ANKDD1A: variants seen among roughly 807,000 people sequenced by gnomAD.
ANKDD1A encodes ankyrin repeat and death domain-containing protein 1A.
ANKDD1A carries 59 observed loss-of-function variants against 63.5 expected under a neutral mutation model. That is an observed-to-expected ratio of 0.93 (90% CI 0.75 to 1.15). The LOEUF (loss-of-function observed/expected upper bound fraction) is 1.15, where lower values mean the gene tolerates loss of function less well. ANKDD1A is among the 50% of genes most tolerant of loss of function. The pLI, the probability that ANKDD1A is intolerant of heterozygous loss-of-function variation, is 0.00. For missense variants in ANKDD1A, 632 were observed against 656.4 expected (o/e 0.96, Z 0.41); for synonymous variants, 266 against 263.9 (o/e 1.01, Z -0.08).
At chr15:64,934,094 A>T (rs2140373621) in intron 8 of ANKDD1A, 42 bp from the exon 9 acceptor site, 1 of 1,533,250 alleles carries the variant, frequency 6.5e-7, no homozygotes, top group East Asian at 2.3e-5. Context: ...CCTCAGTAGG[A>T]GGGGTCCTTG....
Position 64,943,495 on chromosome 15 carries a change from G to A in ANKDD1A, c.978G>A (p.Thr326=), listed in dbSNP as rs762452141. 37 of 1,613,974 alleles carry A rather than the reference G, an allele frequency of 2.3e-5. No homozygotes were observed. Among genetic ancestry groups the A allele is most frequent in the Admixed American group, 1.3e-4 (8 of 59,998 alleles). ...GGCTTCTCCCCTAGAGGCAGCAGAC[G>A]CCCCTTCACCTGGCTGCAGAGCACG... The part of the protein sequence containing the change: ...DVNAVDNRQQ[T]PLHLAAEHAW... Residue 326 remains threonine (T), a synonymous_variant, in exon 11 of 15, where the codon ACG becomes ACA. Transcript: ENST00000319580.
chr15:64,947,995 A>G (rs1293765527), intron 13 of ANKDD1A, among the ~76,000 whole-genome samples: 5 of 152,224 alleles, frequency 3.3e-5, no homozygotes, highest in African/African-American at 1.2e-4. Context: ...AGAGAGACTT[A>G]TTGATTTCAG....
chr15:64,923,714 G>A (rs571519969), intron 4 of ANKDD1A, among the ~76,000 whole-genome samples: 8 of 152,208 alleles, frequency 5.3e-5, no homozygotes, highest in Non-Finnish European at 7.3e-5. Context: ...GCCAGCAGGA[G>A]GGCACCCTGT....
At position 64,943,733 on chromosome 15, in the gene ANKDD1A, A is replaced by C; in HGVS notation, c.1065+151A>C. On this transcript the variant is annotated intron_variant, in intron 11 of 14. Coordinates refer to ENST00000319580, the MANE Select transcript of ANKDD1A (RefSeq NM_182703.6). ...CAGCTCAAATGCAGCCTCCTCCAGG[A>C]AGCCTTCCTGACCTTCCACCACCTT... The C allele has an allele frequency of 2.7e-6, 2 of 728,582 alleles. 1 individual carries two copies. Among genetic ancestry groups the C allele is most frequent in the South Asian group, 3.3e-5 (2 of 59,766 alleles). The allele number at this position is 728,582 out of a possible 1,614,324, so 45.1% of individuals were successfully genotyped here. A position where few individuals can be genotyped will look rare whatever the true frequency, so the allele number is the denominator to read the frequency against.
At chr15:64,922,135 T>C in intron 4 of ANKDD1A, 116 bp downstream of exon 4, 2 of 801,850 alleles carry the variant, frequency 2.5e-6, no homozygotes, top group Non-Finnish European at 3.9e-6. Context: ...AACCTGCCTC[T>C]GCCTGTCCCT....
At chr15:64,952,418 C>A (rs2085308096) in intron 14 of ANKDD1A, among the ~76,000 whole-genome samples, 3 of 6,504 alleles carry the variant, frequency 4.6e-4, no homozygotes, top group Admixed American at 1.2e-3. Flanking sequence ...TCTTCTCCTT[C>A]TTAGTTTTCT....
At chr15:64,952,018 ATCT>A (rs1394440097) in intron 14 of ANKDD1A, among the ~76,000 whole-genome samples, 15 of 101,490 alleles carry the variant, frequency 1.5e-4, no homozygotes, top group Middle Eastern at 8.1e-3. Context: ...TCCATCTTCT[ATCT>A]TCTTTTTCTT....
chr15:64,943,640 G>T (rs2085202496), intron 11 of ANKDD1A, 58 bp downstream of exon 11: 1 of 1,514,064 alleles, frequency 6.6e-7, no homozygotes, highest in African/African-American at 1.4e-5. Context: ...CCTTGCCAGA[G>T]ACCCTGCTAC....
At chr15:64,929,157 A>T (rs1338486386) in intron 6 of ANKDD1A, among the ~76,000 whole-genome samples, 3 of 152,208 alleles carry the variant, frequency 2.0e-5, no homozygotes, top group African/African-American at 4.8e-5. Context: ...TTATTTTAAA[A>T]TTTTATTATT....
chr15:64,948,718 C>G (rs1231779284), intron 13 of ANKDD1A, among the ~76,000 whole-genome samples: 1 of 151,730 alleles, frequency 6.6e-6, no homozygotes, highest in African/African-American at 2.4e-5. Context: ...CCCAGCTGCT[C>G]GACAGGCTGA....
intron 3 of ANKDD1A, among the ~76,000 whole-genome samples, chr15:64,921,337 C>A (rs777745231): frequency 6.6e-6 from 1 of 152,056 alleles, no homozygotes; most frequent in African/African-American, 2.4e-5. Flanking sequence ...AATGGTCTTT[C>A]TTTATGAAAT....
intron 14 of ANKDD1A, among the ~76,000 whole-genome samples, chr15:64,955,031 TTCTTC>T (rs1432268421): frequency 7.6e-5 from 2 of 26,144 alleles, no homozygotes; most frequent in East Asian, 8.9e-4. Context: ...CTTCTTCCTC[TTCTTC>T]TTCTTTCTTT....
At chr15:64,926,429 C>T (rs1318046281) in intron 5 of ANKDD1A, among the ~76,000 whole-genome samples, 1 of 152,056 alleles carries the variant, frequency 6.6e-6, no homozygotes, top group African/African-American at 2.4e-5. Context: ...GCTTCTGCTT[C>T]CTGGAGGAGG....
intron 14 of ANKDD1A, among the ~76,000 whole-genome samples, chr15:64,954,402 T>G (rs2085384474): frequency 6.7e-6 from 1 of 149,600 alleles, no homozygotes; most frequent in Non-Finnish European, 1.5e-5. Flanking sequence ...TTCTTCTTCC[T>G]TCCTCTTCTT....
intron 13 of ANKDD1A, among the ~76,000 whole-genome samples, chr15:64,948,346 C>T (rs2085240113): frequency 6.6e-6 from 1 of 152,052 alleles, no homozygotes; most frequent in South Asian, 2.1e-4. Flanking sequence ...AGTTTTTCTC[C>T]AATTAGATTA....
chr15:64,940,435 T>TAG (rs1595853972), intron 9 of ANKDD1A, among the ~76,000 whole-genome samples: 22,257 of 121,822 alleles, frequency 0.18, 1,861 homozygotes, highest in East Asian at 0.25. Context: ...TAGATAGATA[T>TAG]ATAGATATTT....
At chr15:64,952,908 C>CCTTCCTT (rs2085324902) in intron 14 of ANKDD1A, among the ~76,000 whole-genome samples, 2 of 70,378 alleles carry the variant, frequency 2.8e-5, no homozygotes, top group East Asian at 2.7e-4. Flanking sequence ...CCTTCCTTCT[C>CCTTCCTT]TTCTTCTCCT....
intron 6 of ANKDD1A, among the ~76,000 whole-genome samples, chr15:64,929,815 C>T (rs1172954104): frequency 6.6e-6 from 1 of 152,226 alleles, no homozygotes; most frequent in South Asian, 2.1e-4. Context: ...TATGTTCCAG[C>T]AAGAAGGGTC....
chr15:64,936,171 C>T (rs758734239), intron 9 of ANKDD1A, among the ~76,000 whole-genome samples: 4 of 152,040 alleles, frequency 2.6e-5, no homozygotes, highest in Non-Finnish European at 5.9e-5. Flanking sequence ...AACAACATTA[C>T]ACAATTCATT....
Sources: allele counts gnomAD v4.1 joint callset (sites outside exome capture counted in the v4.1 genomes callset), GRCh38; gene constraint gnomAD v4.1.1; transcripts MANE v1.5; gene names NCBI Gene and HGNC (gene_info 2026-07-23, HGNC 2026-07-21).